PCDHGA6: variants seen among roughly 807,000 people sequenced by gnomAD.
PCDHGA6 encodes the protein protocadherin gamma subfamily A, 6.
Under a neutral mutation model 60.6 loss-of-function variants are expected in PCDHGA6, and 41 were observed. That is an observed-to-expected ratio of 0.68 (90% CI 0.53 to 0.88). PCDHGA6 has a LOEUF of 0.88. Among genes scored for constraint, PCDHGA6 ranks in the 40% least tolerant of loss-of-function variants. The pLI, the probability that PCDHGA6 is intolerant of heterozygous loss-of-function variation, is 0.00. For synonymous variants in PCDHGA6, 594 were observed against 524.4 expected, an observed-to-expected ratio of 1.13 and a Z score of -1.81; for missense variants, 1,312 against 1,203.0, an observed-to-expected ratio of 1.09 and a Z score of -1.34.
At chr5:141,394,459 G>T (rs761612403) in intron 1 of PCDHGA6, 1 of 1,614,238 alleles carries the variant, frequency 6.2e-7, no homozygotes, top group Non-Finnish European at 8.5e-7. Context: ...ATGTCACTGA[G>T]CCTGTTCGTG....
chr5:141,389,836 C>T (rs1471068729), intron 1 of PCDHGA6: 2 of 1,613,874 alleles, frequency 1.2e-6, no homozygotes, highest in Non-Finnish European at 1.7e-6. Context: ...GGACAGCCAC[C>T]ACTCTCGGCC....
At chr5:141,445,808 T>A (rs1004030960) in intron 1 of PCDHGA6, among the ~76,000 whole-genome samples, 1 of 152,182 alleles carries the variant, frequency 6.6e-6, no homozygotes, top group Non-Finnish European at 1.5e-5. Flanking sequence ...AATAAATAGA[T>A]GAAACTAATA....
At chr5:141,500,026 T>G (rs1297397353) in intron 2 of PCDHGA6, among the ~76,000 whole-genome samples, 1 of 151,974 alleles carries the variant, frequency 6.6e-6, no homozygotes, top group Non-Finnish European at 1.5e-5. Flanking sequence ...TATATTTGAG[T>G]GAGTGTCTCT....
rs1382364867 is a variant in PCDHGA6, at chr5:141,374,132, C to A, written c.49C>A (p.Leu17Ile). 2.5e-6 allele frequency: 4 copies of A among 1,605,166 alleles called. No homozygotes were observed. The highest frequency in any genetic ancestry group is 3.4e-6 in the Non-Finnish European group (4 of 1,174,350). The change falls in exon 1 of 4, where the codon CTC becomes ATC. Residue 17 changes from leucine (L) to isoleucine (I), a missense_variant. Transcript: ENST00000517434. ...GCAGCGCAGCGAGCAGGTCCTGCTC[C>A]TCACGCTCCTGGGGACGCTGTGGGG... ...HPQRSEQVLLLTLLGTLWGAA... is the reference protein window; with the variant it reads ...HPQRSEQVLLITLLGTLWGAA...
chr5:141,384,247 C>T (rs1779885951), intron 1 of PCDHGA6: 1 of 1,613,912 alleles, frequency 6.2e-7, no homozygotes, highest in Non-Finnish European at 8.5e-7. Flanking sequence ...CGATAACCCA[C>T]CCACCTTCCC....
At chr5:141,418,065 G>T in intron 1 of PCDHGA6, 1 of 1,614,064 alleles carries the variant, frequency 6.2e-7, no homozygotes, top group East Asian at 2.2e-5. Context: ...CTGCGAGTGA[G>T]CGCGGAGAAG....
chr5:141,399,081 G>A (rs1336220348), intron 1 of PCDHGA6: 2 of 1,613,758 alleles, frequency 1.2e-6, no homozygotes, highest in African/African-American at 1.3e-5. Context: ...TAGAAGGGAG[G>A]GATGGTGGTG....
chr5:141,392,762 G>A lies in PCDHGA6; in HGVS notation c.2424+16255G>A, dbSNP rs1033759244. 8.8e-6 allele frequency: 13 copies of A among 1,478,030 alleles called. No individual in the cohort carries two copies. The African/African-American group carries it at 1.3e-4, about 14-fold the overall frequency. The allele number at this position is 1,478,030 out of a possible 1,614,324, so 91.6% of individuals were successfully genotyped here. ...ATAGCTGCGGCAAGAAACTAAATAA[G>A]ACCCATTTATGCACAGTGAAGATTC... On this transcript the variant is annotated intron_variant, in intron 1 of 3. Coordinates refer to ENST00000517434, the MANE Select transcript of PCDHGA6 (RefSeq NM_018919.3).
intron 1 of PCDHGA6, chr5:141,388,970 A>G (rs1561622326): frequency 6.2e-7 from 1 of 1,613,928 alleles, no homozygotes; most frequent in East Asian, 2.2e-5. Flanking sequence ...AGCTGGGAAC[A>G]CATATTGCTT....
intron 1 of PCDHGA6, chr5:141,404,270 C>T (rs1359018673): frequency 5.0e-6 from 8 of 1,614,010 alleles, no homozygotes; most frequent in Non-Finnish European, 6.8e-6. Flanking sequence ...TCACATCACC[C>T]TGCAAGTGAC....
rs530356030 is a variant in PCDHGA6 at position 141,426,463 on chromosome 5, GATTT to G, written c.2424+49960_2424+49963del. 309 of 318,428 alleles carry G rather than the reference GATTT, an allele frequency of 9.7e-4. 2 individuals are homozygous for G. Among genetic ancestry groups the G allele is most frequent in the Non-Finnish European group, 1.6e-3 (252 of 160,518 alleles). 19.7% of individuals were successfully genotyped at this position (318,428 alleles called of 1,614,324 possible). A position where few individuals can be genotyped will look rare whatever the true frequency, so the allele number is the denominator to read the frequency against. ...GGAGGACATGCGGCTGCATGTTCAGGATTTATTGACCTGAAACCTTAGAGTTAGT... is the reference window on the plus strand; with the variant it reads ...GGAGGACATGCGGCTGCATGTTCAGGATTGACCTGAAACCTTAGAGTTAGT... On this transcript the variant is annotated intron_variant, in intron 1 of 3. Transcript: ENST00000517434.
intron 2 of PCDHGA6, among the ~76,000 whole-genome samples, chr5:141,500,614 C>T (rs1300242596): frequency 1.3e-5 from 2 of 152,204 alleles, no homozygotes; most frequent in African/African-American, 4.8e-5. Context: ...TATTCCCAGT[C>T]ATACGGTACA....
intron 1 of PCDHGA6, chr5:141,393,027 A>C (rs868285753): frequency 1.2e-6 from 2 of 1,613,818 alleles, no homozygotes; most frequent in Non-Finnish European, 1.7e-6. Flanking sequence ...CAGAGGTAGG[A>C]CGCAGCTCTT....
Position 141,450,758 on chromosome 5 carries a change from A to C in PCDHGA6, c.2425-44049A>C, listed in dbSNP as rs1007910264. On this transcript the variant is annotated intron_variant, in intron 1 of 3. Transcript: ENST00000517434. ...CGCCTTGGCCTCCCAAAGTGCCGGGATTACAGGCATGAGCCACCGTGCCCG... is the reference window on the plus strand; with the variant it reads ...CGCCTTGGCCTCCCAAAGTGCCGGGCTTACAGGCATGAGCCACCGTGCCCG... Among the ~76,000 whole-genome samples the C allele has an allele frequency of 5.3e-5, 8 of 151,784 alleles. No individual in the cohort carries two copies. In the East Asian group the frequency reaches 1.4e-3, roughly 26 times the overall value.
intron 1 of PCDHGA6, among the ~76,000 whole-genome samples, chr5:141,445,892 T>C (rs2154561169): frequency 6.6e-6 from 1 of 152,346 alleles, no homozygotes; most frequent in African/African-American, 2.4e-5. Context: ...TTAGGAGCTA[T>C]TAAAATATTT....
intron 1 of PCDHGA6, chr5:141,394,908 G>A (rs763489153): frequency 3.1e-6 from 5 of 1,613,652 alleles, no homozygotes; most frequent in East Asian, 2.2e-5. Flanking sequence ...GGCAGTGGCT[G>A]CCATCTCCTG....
intron 1 of PCDHGA6, among the ~76,000 whole-genome samples, chr5:141,436,896 A>C (rs567359498): frequency 6.6e-6 from 1 of 152,368 alleles, no homozygotes; most frequent in East Asian, 1.9e-4. Context: ...AAAGATTTTT[A>C]TATGAGACAA....
intron 1 of PCDHGA6, chr5:141,415,740 GTTTTTT>G (rs57426385): frequency 0.053 from 32,266 of 613,620 alleles, 66 homozygotes; most frequent in South Asian, 0.061. Flanking sequence ...GTTTATTAAG[GTTTTTT>G]TTTTTTTTTT....
chr5:141,418,589 C>G lies in PCDHGA6; in HGVS notation c.2424+42082C>G, dbSNP rs184213052. ...CAATGACAACCCCCCAGTGTTCAGC[C>G]AGGACGTGTACAGGGTTAGCCTTCG... On this transcript the variant is annotated intron_variant, in intron 1 of 3. Transcript: ENST00000517434. 5.5e-4 allele frequency: 884 copies of G among 1,614,012 alleles called. 4 individuals carry two copies. Among genetic ancestry groups the G allele is most frequent in the South Asian group, 4.0e-3 (361 of 91,086 alleles).
Sources: gnomAD v4.1 joint callset for allele counts (sites outside exome capture counted in the v4.1 genomes callset) on GRCh38, gnomAD v4.1.1 for gene constraint, MANE v1.5 for transcripts, NCBI Gene and HGNC (gene_info 2026-07-23, HGNC 2026-07-21) for gene names.